The following COL19A1 variants were observed in gnomAD, a reference collection of about 807,000 sequenced individuals.
COL19A1 encodes the protein collagen type XIX alpha 1 chain, also known as collagen alpha-1(XIX) chain.
COL19A1 carries 159 observed loss-of-function variants against 190.2 expected under a neutral mutation model. That is an observed-to-expected ratio of 0.84 (90% CI 0.73 to 0.95). The LOEUF is 0.95. Among genes scored for constraint, COL19A1 ranks in the 40% least tolerant of loss-of-function variants. The probability of loss-of-function intolerance (pLI) is 0.00; values close to 1 mark genes in which losing one functional copy is unlikely to be tolerated. For missense variants in COL19A1, 1,418 were observed against 1,431.9 expected (o/e 0.99, Z 0.16); for synonymous variants, 509 against 458.9 (o/e 1.11, Z -1.39).
intron 11 of COL19A1, among the ~76,000 whole-genome samples, chr6:69,994,493 G>A (rs1776793211): frequency 6.6e-6 from 1 of 152,128 alleles, no homozygotes; most frequent in Non-Finnish European, 1.5e-5. Flanking sequence ...ATTCTCACTG[G>A]ATTCCCAGGC....
chr6:70,206,634 CAAAAA>C (rs34634051), intron 49 of COL19A1, among the ~76,000 whole-genome samples: 2 of 101,936 alleles, frequency 2.0e-5, no homozygotes, highest in Non-Finnish European at 3.8e-5. Context: ...GACTCTGTCT[CAAAAA>C]AAAAAAAAAA....
intron 49 of COL19A1, among the ~76,000 whole-genome samples, chr6:70,206,322 C>G (rs1001640721): frequency 1.3e-5 from 2 of 152,148 alleles, no homozygotes; most frequent in African/African-American, 2.4e-5. Context: ...GCCAAAATCT[C>G]GCTATCAAGA....
At chr6:70,060,419 C>T (rs1057398678) in intron 14 of COL19A1, among the ~76,000 whole-genome samples, 1 of 152,126 alleles carries the variant, frequency 6.6e-6, no homozygotes, top group Admixed American at 6.6e-5. Flanking sequence ...TACCAGTTCG[C>T]AGCCTGTTAG....
intron 6 of COL19A1, among the ~76,000 whole-genome samples, chr6:69,929,918 C>T (rs1251767293): frequency 6.6e-6 from 1 of 151,984 alleles, no homozygotes; most frequent in African/African-American, 2.4e-5. Flanking sequence ...CCCATTTTCT[C>T]CAGCCTGGGA....
At chr6:70,193,662 C>T (rs1767015447) in intron 48 of COL19A1, among the ~76,000 whole-genome samples, 1 of 152,064 alleles carries the variant, frequency 6.6e-6, no homozygotes, top group African/African-American at 2.4e-5. Flanking sequence ...GACTTCTAAA[C>T]TCTAAGACTC....
intron 41 of COL19A1, among the ~76,000 whole-genome samples, chr6:70,173,113 T>C (rs577685168): frequency 6.6e-6 from 1 of 152,368 alleles, no homozygotes; most frequent in Non-Finnish European, 1.5e-5. Flanking sequence ...AGGACAGCTA[T>C]GAGCAAGGCC....
intron 11 of COL19A1, among the ~76,000 whole-genome samples, chr6:69,981,746 A>G (rs1776043507): frequency 6.6e-6 from 1 of 152,058 alleles, no homozygotes; most frequent in South Asian, 2.1e-4. Context: ...TTCATAAAAT[A>G]TAGGTATAAA....
At chr6:69,925,524 C>A (rs1393905401) in intron 4 of COL19A1, among the ~76,000 whole-genome samples, 5 of 152,102 alleles carry the variant, frequency 3.3e-5, no homozygotes, top group Non-Finnish European at 7.4e-5. Flanking sequence ...TAGTGTGATG[C>A]CTCCAGCTTT....
intron 11 of COL19A1, among the ~76,000 whole-genome samples, chr6:69,975,940 T>C (rs1329851135): frequency 1.3e-5 from 2 of 151,298 alleles, no homozygotes; most frequent in Non-Finnish European, 2.9e-5. Flanking sequence ...TTAAATGTCT[T>C]ACTGAATTAA....
intron 48 of COL19A1, among the ~76,000 whole-genome samples, 175 bp from the exon 49 acceptor site, chr6:70,199,433 G>A (rs1056667075): frequency 6.6e-6 from 1 of 152,152 alleles, no homozygotes; most frequent in Admixed American, 6.5e-5. Context: ...AAACAACTTT[G>A]CAATCGATAT....
At chr6:69,921,075 A>G (rs1203451176) in intron 4 of COL19A1, among the ~76,000 whole-genome samples, 2 of 115,474 alleles carry the variant, frequency 1.7e-5, no homozygotes, top group Admixed American at 2.5e-4. Flanking sequence ...TCATAGACAT[A>G]TCATATATAT....
intron 11 of COL19A1, among the ~76,000 whole-genome samples, chr6:69,989,577 A>T (rs950331795): frequency 2.6e-5 from 3 of 114,016 alleles, no homozygotes; most frequent in Non-Finnish European, 3.2e-5. Context: ...TTTGCTCATC[A>T]GCTATTGTTA....
At chr6:70,137,535 T>C in intron 18 of COL19A1, 150 bp from the exon 19 acceptor site, 1 of 673,160 alleles carries the variant, frequency 1.5e-6, no homozygotes, top group South Asian at 2.3e-5. Flanking sequence ...AAAAATAGCC[T>C]AAGTAGATTC....
At chr6:70,049,813 A>G (rs1283676028) in intron 14 of COL19A1, among the ~76,000 whole-genome samples, 1 of 152,118 alleles carries the variant, frequency 6.6e-6, no homozygotes, top group Non-Finnish European at 1.5e-5. Context: ...CCTTTTGAAA[A>G]ATTATATGCA....
At chr6:69,965,122 C>T (rs1262591266) in intron 11 of COL19A1, among the ~76,000 whole-genome samples, 1 of 152,162 alleles carries the variant, frequency 6.6e-6, no homozygotes, top group Admixed American at 6.5e-5. Context: ...CTACCTTGGA[C>T]TTTAATTTTT....
intron 11 of COL19A1, among the ~76,000 whole-genome samples, chr6:70,000,848 G>A (rs1777217293): frequency 6.6e-6 from 1 of 152,088 alleles, no homozygotes. Context: ...AGTTTCTCTG[G>A]CTGTGCAGAA....
chr6:69,943,923 A>C (rs538099079), intron 9 of COL19A1, among the ~76,000 whole-genome samples: 1 of 152,286 alleles, frequency 6.6e-6, no homozygotes, highest in African/African-American at 2.4e-5. Flanking sequence ...GCCAAAACCC[A>C]CTAATGACTT....
rs756773189 is a variant in COL19A1 at position 70,206,998 on chromosome 6, C to A, written c.3301+20C>A. On this transcript the variant is annotated intron_variant, in intron 50 of 50. Transcript: ENST00000620364. ...CTTCAGGTAAGTGGGATATTGTCTT[C>A]ACAACACAAGCAAGCCTTTACAAAT... 2 of 1,611,816 alleles carry A rather than the reference C, an allele frequency of 1.2e-6. No homozygotes were observed. Among genetic ancestry groups the A allele is most frequent in the Non-Finnish European group, 8.5e-7 (1 of 1,179,194 alleles).
Position 69,892,805 on chromosome 6 carries a change from T to C in COL19A1, c.92-6143T>C, listed in dbSNP as rs189731957. ...ACTGGGCTTCTATCATCCCTGCAAG[T>C]TGAGATTGACTCCTTAAAGGGAAGC... On this transcript the variant is annotated intron_variant, in intron 2 of 50. Transcript: ENST00000620364. Among the ~76,000 whole-genome samples the C allele has an allele frequency of 2.0e-4, 31 of 152,336 alleles. No individual in the cohort carries two copies. The East Asian group carries it at 6.0e-3, about 29-fold the overall frequency.
Sources: gnomAD v4.1 joint callset for allele counts (sites outside exome capture counted in the v4.1 genomes callset) on GRCh38, gnomAD v4.1.1 for gene constraint, MANE v1.5 for transcripts, NCBI Gene and HGNC (gene_info 2026-07-23, HGNC 2026-07-21) for gene names.